The following ROBO1 variants were observed in gnomAD, a reference collection of about 807,000 sequenced individuals.
ROBO1 encodes roundabout homolog 1.
In ROBO1, 149 loss-of-function variants were observed where a neutral mutation model predicts 195.9. The ratio of observed to expected loss-of-function variants is 0.76; its 90% CI spans 0.67 to 0.87. The LOEUF (loss-of-function observed/expected upper bound fraction) is 0.87, where lower values mean the gene tolerates loss of function less well. Ranked by LOEUF, ROBO1 falls within the 40% of genes least tolerant of loss-of-function variation. The pLI, the probability that ROBO1 is intolerant of heterozygous loss-of-function variation, is 0.00. For synonymous variants in ROBO1, 816 were observed against 733.2 expected, an observed-to-expected ratio of 1.11 and a Z score of -1.82; for missense variants, 1,933 against 2,068.3, an observed-to-expected ratio of 0.93 and a Z score of 1.27.
intron 2 of ROBO1, among the ~76,000 whole-genome samples, chr3:79,376,887 C>G (rs1279520276): frequency 6.6e-6 from 1 of 151,978 alleles, no homozygotes; most frequent in African/African-American, 2.4e-5. Context: ...TCCAAGGAAA[C>G]CAAGAAAATA....
intron 1 of ROBO1, among the ~76,000 whole-genome samples, chr3:79,634,305 T>C (rs1345145598): frequency 6.6e-6 from 1 of 152,122 alleles, no homozygotes; most frequent in East Asian, 1.9e-4. Context: ...ATCCAGTAGC[T>C]GGGAAACACA....
chr3:79,162,931 G>C (rs535613247), intron 2 of ROBO1, among the ~76,000 whole-genome samples: 58 of 152,114 alleles, frequency 3.8e-4, no homozygotes, highest in Non-Finnish European at 7.8e-4. Context: ...GTTTAAATTG[G>C]TAATTCCGAG....
At chr3:79,545,997 C>G (rs1484886774) in intron 2 of ROBO1, among the ~76,000 whole-genome samples, 3 of 151,942 alleles carry the variant, frequency 2.0e-5, no homozygotes, top group Admixed American at 1.3e-4. Context: ...ACCAACACCC[C>G]CTTTTTCTCT....
chr3:79,569,867 G>T (rs1187979359), intron 2 of ROBO1, among the ~76,000 whole-genome samples: 1 of 152,034 alleles, frequency 6.6e-6, no homozygotes, highest in Non-Finnish European at 1.5e-5. Flanking sequence ...TGGAGGCAAA[G>T]GAGAGACGAT....
chr3:79,113,358 A>C (rs1364219723), intron 3 of ROBO1, among the ~76,000 whole-genome samples: 1 of 151,866 alleles, frequency 6.6e-6, no homozygotes, highest in African/African-American at 2.4e-5. Flanking sequence ...GCAAAATAAC[A>C]CATTGTCTTC....
intron 5 of ROBO1, among the ~76,000 whole-genome samples, chr3:78,722,645 A>G (rs1253888160): frequency 6.6e-6 from 1 of 152,210 alleles, no homozygotes; most frequent in African/African-American, 2.4e-5. Flanking sequence ...AAGATTACCT[A>G]GGTAAAACCC....
At chr3:79,348,924 T>G (rs1383341260) in intron 2 of ROBO1, among the ~76,000 whole-genome samples, 1 of 152,092 alleles carries the variant, frequency 6.6e-6, no homozygotes, top group African/African-American at 2.4e-5. Context: ...ACGCGAAAGT[T>G]TAACTAAAAA....
chr3:78,631,398 A>G (rs1705177804), intron 24 of ROBO1, 93 bp from the exon 25 acceptor site: 2 of 1,347,112 alleles, frequency 1.5e-6, no homozygotes, highest in Admixed American at 5.2e-5. Context: ...ATATGATTTT[A>G]TAATTCATTT....
intron 2 of ROBO1, among the ~76,000 whole-genome samples, chr3:79,384,656 C>T (rs935634223): frequency 5.3e-5 from 8 of 151,928 alleles, no homozygotes; most frequent in Non-Finnish European, 1.2e-4. Flanking sequence ...TGTTTACTCG[C>T]TTAATCTCTT....
chr3:78,918,490 C>T (rs1179916726), intron 4 of ROBO1, among the ~76,000 whole-genome samples: 1 of 152,084 alleles, frequency 6.6e-6, no homozygotes, highest in Non-Finnish European at 1.5e-5. Context: ...TTATATGAAT[C>T]ATTATCCCTT....
chr3:79,214,556 C>T (rs1367073242), intron 2 of ROBO1, among the ~76,000 whole-genome samples: 1 of 151,938 alleles, frequency 6.6e-6, no homozygotes. Context: ...GTTTTTCACA[C>T]AATGCCTGGC....
intron 2 of ROBO1, among the ~76,000 whole-genome samples, chr3:79,420,981 C>T (rs2038200182): frequency 6.6e-6 from 1 of 152,080 alleles, no homozygotes; most frequent in Non-Finnish European, 1.5e-5. Flanking sequence ...ACCTAAACGT[C>T]CATCATTGGT....
chr3:79,090,982 C>T (rs1378631), intron 3 of ROBO1, among the ~76,000 whole-genome samples: 1 of 151,858 alleles, frequency 6.6e-6, no homozygotes. Flanking sequence ...TAGTTTTATG[C>T]TAAGTTTAGA....
chr3:79,165,743 C>T (rs181897103), intron 2 of ROBO1, among the ~76,000 whole-genome samples: 164 of 152,270 alleles, frequency 1.1e-3, no homozygotes, highest in African/African-American at 3.7e-3. Context: ...CATAATCTAT[C>T]GTGATGGTTC....
chr3:78,960,819 C>T (rs967930068), intron 3 of ROBO1, among the ~76,000 whole-genome samples: 2 of 148,352 alleles, frequency 1.3e-5, no homozygotes, highest in Non-Finnish European at 3.0e-5. Context: ...CACACACACA[C>T]ACACACACAC....
At chr3:78,607,134 G>A (rs910350373) in intron 28 of ROBO1, 93 bp from the exon 29 acceptor site, 21 of 1,204,124 alleles carry the variant, frequency 1.7e-5, no homozygotes, top group South Asian at 7.7e-5. Flanking sequence ...ATTCACCTAC[G>A]AGATACTATA....
chr3:78,609,844 T>C (rs1177947050), intron 28 of ROBO1, among the ~76,000 whole-genome samples: 3 of 152,206 alleles, frequency 2.0e-5, no homozygotes, highest in Non-Finnish European at 2.9e-5. Flanking sequence ...TTTCTCATAA[T>C]TACATATTTT....
At chr3:79,702,770 A>G (rs1164130038) in intron 1 of ROBO1, among the ~76,000 whole-genome samples, 2 of 151,964 alleles carry the variant, frequency 1.3e-5, no homozygotes, top group Non-Finnish European at 1.5e-5. Flanking sequence ...CTGTATTGTC[A>G]GTGGTGTAAT....
intron 3 of ROBO1, among the ~76,000 whole-genome samples, chr3:78,948,020 G>A (rs1344854678): frequency 6.6e-6 from 1 of 152,104 alleles, no homozygotes; most frequent in Non-Finnish European, 1.5e-5. Context: ...CTGAAATTGA[G>A]GCAATAATCA....
Sources: allele counts gnomAD v4.1 joint callset (sites outside exome capture counted in the v4.1 genomes callset), GRCh38; gene constraint gnomAD v4.1.1; transcripts MANE v1.5; gene names NCBI Gene and HGNC (gene_info 2026-07-23, HGNC 2026-07-21).